UGT8: variants seen among roughly 807,000 people sequenced by gnomAD.
UGT8 encodes UDP glycosyltransferase 8.
Under a neutral mutation model 40.5 loss-of-function variants are expected in UGT8, and 12 were observed. That is an observed-to-expected ratio of 0.30 (90% CI 0.19 to 0.48). The LOEUF is 0.48. Ranked by LOEUF, UGT8 falls within the 20% of genes least tolerant of loss-of-function variation. The pLI is 0.99. For synonymous variants in UGT8, 224 were observed against 240.4 expected (o/e 0.93, Z 0.63); for missense variants, 513 against 648.7 (o/e 0.79, Z 2.27).
In UGT8 at chr4:114,675,942, A is replaced by G; in HGVS notation, c.1280A>G (p.Gln427Arg). Residue 427 changes from glutamine (Q) to arginine (R), a missense_variant, in exon 6 of 6, where the codon CAG becomes CGG. Around this residue, in one of 3 missense-constraint regions of UGT8, gnomAD observed 175 missense variants for 186.7 expected, o/e 0.94. Coordinates refer to ENST00000310836, the MANE Select transcript of UGT8 (RefSeq NM_001128174.3). ...INNPSYRQRAQKLSEIHKDQP... is the reference protein window; with the variant it reads ...INNPSYRQRARKLSEIHKDQP... ...CTCCATAGCTACCGTCAGAGGGCTC[A>G]GAAGCTTTCGGAAATTCACAAGGAT... The G allele has an allele frequency of 6.2e-7, 1 of 1,613,456 alleles. No homozygotes were observed. Among genetic ancestry groups the G allele is most frequent in the Non-Finnish European group, 8.5e-7 (1 of 1,179,498 alleles).
At chr4:114,617,436 T>C (rs1731512047) in intron 1 of UGT8, among the ~76,000 whole-genome samples, 2 of 152,174 alleles carry the variant, frequency 1.3e-5, no homozygotes, top group South Asian at 4.1e-4. Context: ...TGCTTTTGGC[T>C]TCCTCTCTTG....
chr4:114,646,321 A>G (rs141240741), intron 2 of UGT8, among the ~76,000 whole-genome samples: 181 of 152,036 alleles, frequency 1.2e-3, no homozygotes, highest in African/African-American at 4.3e-3. Flanking sequence ...TGCTAATTTA[A>G]GGTATATCAG....
Position 114,613,208 on chromosome 4 carries a change from A to C in UGT8, c.-2-9671A>C, listed in dbSNP as rs554202754. Among the ~76,000 whole-genome samples the C allele has an allele frequency of 2.6e-5, 4 of 152,248 alleles. No individual in the cohort carries two copies. The South Asian group carries it at 8.3e-4, about 32-fold the overall frequency. On this transcript the variant is annotated intron_variant, in intron 1 of 5. Transcript: ENST00000310836. ...AAATGATATCTTTGTAATTTAAACT[A>C]CTTGAACTGTGAGCTAACTGAAAAG...
intron 3 of UGT8, among the ~76,000 whole-genome samples, chr4:114,664,790 C>T (rs1251372013): frequency 2.0e-5 from 3 of 152,128 alleles, no homozygotes; most frequent in South Asian, 2.1e-4. Flanking sequence ...TTATTGAGCA[C>T]GTACTACCAC....
intron 2 of UGT8, among the ~76,000 whole-genome samples, chr4:114,655,601 C>T (rs952840931): frequency 6.6e-6 from 1 of 151,876 alleles, no homozygotes; most frequent in Non-Finnish European, 1.5e-5. Context: ...TTTGCAAACT[C>T]AGTTCAAAGT....
chr4:114,627,755 G>GAA (rs1732327485), intron 2 of UGT8, among the ~76,000 whole-genome samples: 2 of 152,148 alleles, frequency 1.3e-5, no homozygotes, highest in Non-Finnish European at 2.9e-5. Context: ...AATGGCCTAC[G>GAA]CTGCCAGGCA....
Position 114,676,019 on chromosome 4 carries a change from C to T in UGT8, c.1357C>T (p.Arg453Cys), listed in dbSNP as rs780868900. The T allele has an allele frequency of 1.9e-6, 3 of 1,614,164 alleles. No individual in the cohort carries two copies. Among genetic ancestry groups the T allele is most frequent in the Non-Finnish European group, 2.5e-6 (3 of 1,180,020 alleles). ...TATCTATTGGATAGATTATATTATT[C>T]GTCACAATGGAGCCCATCACCTACG... ...RTIYWIDYII[R>C]HNGAHHLRAA... The change falls in exon 6 of 6, where the codon CGT becomes TGT. Residue 453 changes from arginine to cysteine, a missense_variant. Arg to Cys is a radical substitution (Grantham distance 180). Coordinates refer to ENST00000310836, the MANE Select transcript of UGT8 (RefSeq NM_001128174.3).
At chr4:114,662,537 C>T (rs905666398) in intron 2 of UGT8, among the ~76,000 whole-genome samples, 1 of 152,128 alleles carries the variant, frequency 6.6e-6, no homozygotes, top group African/African-American at 2.4e-5. Context: ...GTTTTCTTCC[C>T]TACCAGATAA....
intron 2 of UGT8, among the ~76,000 whole-genome samples, chr4:114,646,834 G>GCCA (rs1417461887): frequency 6.6e-6 from 1 of 152,164 alleles, no homozygotes; most frequent in African/African-American, 2.4e-5. Context: ...TGAGGCCACT[G>GCCA]CCACGTTCAT....
chr4:114,629,215 A>C (rs1732429141), intron 2 of UGT8, among the ~76,000 whole-genome samples: 1 of 152,212 alleles, frequency 6.6e-6, no homozygotes, highest in South Asian at 2.1e-4. Context: ...ATATAGTAGT[A>C]CTATGCTATG....
intron 2 of UGT8, among the ~76,000 whole-genome samples, chr4:114,629,860 C>A (rs1732464499): frequency 6.6e-6 from 1 of 152,142 alleles, no homozygotes; most frequent in South Asian, 2.1e-4. Flanking sequence ...AACTCCAGCA[C>A]ACATTGTTAA....
chr4:114,623,367 T>G lies in UGT8; in HGVS notation c.487T>G (p.Trp163Gly). Reference protein sequence around the residue: ...VKYAVFSTGLWYPAEVGAPAP... With the variant: ...VKYAVFSTGLGYPAEVGAPAP... ...ATATGCTGTATTTTCAACTGGCCTT[T>G]GGTATCCTGCTGAAGTGGGTGCTCC... Residue 163 changes from tryptophan (W) to glycine (G), a missense_variant, in exon 2 of 6, where the codon TGG (tryptophan) becomes GGG (glycine). Physicochemically the swap from Trp to Gly is radical, Grantham distance 184. This residue lies in a region of UGT8 where 335 missense variants were observed against 444.8 expected (regional missense o/e 0.75). Coordinates refer to ENST00000310836, the MANE Select transcript of UGT8 (RefSeq NM_001128174.3). 6.2e-7 allele frequency: 1 copy of G among 1,614,194 alleles called. No individual in the cohort carries two copies.
intron 1 of UGT8, among the ~76,000 whole-genome samples, chr4:114,600,785 T>TAACTAAGAAAAC (rs1219995925): frequency 6.6e-6 from 1 of 152,130 alleles, no homozygotes; most frequent in Non-Finnish European, 1.5e-5. Context: ...CCAGCTTAGT[T>TAACTAAGAAAAC]TTCTCCTATA....
rs1266170112 is a variant in UGT8, at chr4:114,676,192, T to C, written c.1530T>C (p.Asn510=). 2 of 1,613,948 alleles carry C rather than the reference T, an allele frequency of 1.2e-6. No homozygotes were observed. Among genetic ancestry groups the C allele is most frequent in the Non-Finnish European group, 1.7e-6 (2 of 1,180,008 alleles). ...AAATCAAAAGTCTGTGGTCTAGAAA[T>C]AAGCATAGCACAGTTAATGGACATT... ...YRKIKSLWSR[N]KHSTVNGHYH... is the part of the protein sequence containing the mutation. Residue 510 remains asparagine (N), a synonymous_variant, in exon 6 of 6, where the codon AAT becomes AAC. Coordinates refer to ENST00000310836, the MANE Select transcript of UGT8 (RefSeq NM_001128174.3).
At chr4:114,637,176 C>T (rs1349626544) in intron 2 of UGT8, among the ~76,000 whole-genome samples, 10 of 152,056 alleles carry the variant, frequency 6.6e-5, no homozygotes, top group East Asian at 3.9e-4. Flanking sequence ...CTCCTACGGG[C>T]GATTATGGCT....
chr4:114,632,062 A>G (rs1453859562), intron 2 of UGT8, among the ~76,000 whole-genome samples: 1 of 152,036 alleles, frequency 6.6e-6, no homozygotes, highest in African/African-American at 2.4e-5. Context: ...ATAACTTTCA[A>G]CTCTTCTCCC....
intron 2 of UGT8, among the ~76,000 whole-genome samples, chr4:114,646,803 G>A (rs951244205): frequency 1.2e-4 from 18 of 152,154 alleles, no homozygotes; most frequent in African/African-American, 4.3e-4. Flanking sequence ...AATATTTTTT[G>A]TTTCAATTTG....
chr4:114,673,183 A>AT (rs1560713184), intron 5 of UGT8, among the ~76,000 whole-genome samples: 5 of 151,882 alleles, frequency 3.3e-5, no homozygotes, highest in South Asian at 2.1e-4. Flanking sequence ...TAATCACACT[A>AT]TTTTTTTGCA....
In UGT8 at chr4:114,631,278, T is replaced by G. The variant is rs534104324; in HGVS notation, c.822+7576T>G. Among the ~76,000 whole-genome samples, 27 of 152,242 alleles carry G rather than the reference T, an allele frequency of 1.8e-4. 1 individual carries two copies. In the South Asian group the frequency reaches 5.6e-3, roughly 32 times the overall value. ...AGGTGGATCACCTGAGGTCAGGAGT[T>G]CTAGACCAGCCTGGCCAACATGATG... is the stretch of plus-strand genomic sequence containing the variant. On this transcript the variant is annotated intron_variant, in intron 2 of 5. Transcript: ENST00000310836.
Sources: allele counts gnomAD v4.1 joint callset (sites outside exome capture counted in the v4.1 genomes callset), GRCh38; gene constraint gnomAD v4.1.1; regional missense constraint gnomAD v4.1.1; transcripts MANE v1.5; gene names NCBI Gene and HGNC (gene_info 2026-07-23, HGNC 2026-07-21).